Variants in HIRA observed in about 807,000 individuals in gnomAD.
The protein encoded by HIRA is protein HIRA.
HIRA carries 13 observed loss-of-function variants against 126.6 expected under a neutral mutation model. The observed-to-expected ratio is 0.10, with a 90% confidence interval of 0.07 to 0.16. The LOEUF is 0.16. Among genes scored for constraint, HIRA ranks in the 10% least tolerant of loss-of-function variants. The pLI, the probability that HIRA is intolerant of heterozygous loss-of-function variation, is 1.00. For synonymous variants in HIRA, 511 were observed against 520.0 expected (o/e 0.98, Z 0.24); for missense variants, 834 against 1,314.4 (o/e 0.63, Z 5.65).
At chr22:19,334,146 T>TA (rs2088531385) in intron 24 of HIRA, among the ~76,000 whole-genome samples, 1 of 151,680 alleles carries the variant, frequency 6.6e-6, no homozygotes. Flanking sequence ...GGCTAATTTT[T>TA]TTGTATTTTT....
At chr22:19,401,753 G>A (rs2089270144) in intron 5 of HIRA, among the ~76,000 whole-genome samples, 1 of 152,118 alleles carries the variant, frequency 6.6e-6, no homozygotes, top group African/African-American at 2.4e-5. Flanking sequence ...CACCACTTCT[G>A]TGTTATGACT....
intron 24 of HIRA, among the ~76,000 whole-genome samples, chr22:19,338,486 G>T (rs1464837876): frequency 6.6e-6 from 1 of 151,122 alleles, no homozygotes; most frequent in East Asian, 1.9e-4. Context: ...CTCACATCTC[G>T]ATACTAACAT....
intron 15 of HIRA, among the ~76,000 whole-genome samples, chr22:19,363,459 A>G (rs1168063706): frequency 6.6e-6 from 1 of 151,988 alleles, no homozygotes; most frequent in Admixed American, 6.6e-5. Context: ...AAAAATAAGT[A>G]AATAAATAAA....
In HIRA at chr22:19,351,948, C is replaced by A. The variant is rs2088762867; in HGVS notation, c.2849-502G>T. 6.6e-6 allele frequency among the ~76,000 whole-genome samples: 1 copy of A among 151,990 alleles called. No individual in the cohort carries two copies. On this transcript the variant is annotated intron_variant, in intron 23 of 24. Transcript: ENST00000263208. This position sits in a 1 kb window ranked among gnomAD's most constrained non-coding sequence, Gnocchi z 4.8. ...TAACTCAAGGGTTATGGGCACCACC[C>A]AGTAGGGCTGCTAGAAAGGCTGGAG... is the stretch of plus-strand genomic sequence containing the variant.
In HIRA at chr22:19,330,796, T is replaced by TA. The variant is rs2088475687; in HGVS notation, c.*643dup. 1 of 157,268 alleles carries TA rather than the reference T, an allele frequency of 6.4e-6. No homozygotes were observed. The highest frequency in any genetic ancestry group is 1.4e-5 in the Non-Finnish European group (1 of 70,802). 9.7% of individuals were successfully genotyped at this position (157,268 alleles called of 1,614,324 possible). On this transcript the variant is annotated 3_prime_UTR_variant, in exon 25 of 25. Transcript: ENST00000263208. ...AAAACAGTCTCTTTTTACAAACATT[T>TA]AAAAATTAAAACCAAATGAAGATAG...
intron 2 of HIRA, 35 bp from the exon 3 acceptor site, chr22:19,408,628 A>G (rs1410220643): frequency 8.3e-7 from 1 of 1,206,586 alleles, no homozygotes; most frequent in Admixed American, 1.7e-5. Flanking sequence ...TGAATGTGCA[A>G]GGAGTAGAAA....
intron 1 of HIRA, among the ~76,000 whole-genome samples, chr22:19,418,671 T>G (rs563098933): frequency 6.6e-6 from 1 of 152,186 alleles, no homozygotes; most frequent in South Asian, 2.1e-4. Context: ...TTGGAACTGT[T>G]CAGCATCTCG....
intron 13 of HIRA, among the ~76,000 whole-genome samples, chr22:19,379,806 A>G (rs1261493068): frequency 1.3e-5 from 2 of 151,896 alleles, no homozygotes; most frequent in African/African-American, 4.8e-5. Flanking sequence ...TTGTGTTTCA[A>G]CTATTTATGG....
intron 2 of HIRA, among the ~76,000 whole-genome samples, 193 bp from the exon 3 acceptor site, chr22:19,408,786 G>A (rs897984029): frequency 2.0e-5 from 3 of 152,226 alleles, no homozygotes; most frequent in Admixed American, 6.5e-5. Context: ...GGGACGAAAC[G>A]GAGCGGACTT....
intron 15 of HIRA, chr22:19,365,912 G>T (rs1039127169): frequency 6.6e-6 from 1 of 152,266 alleles, no homozygotes; most frequent in Non-Finnish European, 1.5e-5. Flanking sequence ...ACCACACCAG[G>T]TTGCCTAAGG....
intron 24 of HIRA, among the ~76,000 whole-genome samples, chr22:19,341,528 C>T (rs2088629403): frequency 6.7e-6 from 1 of 149,940 alleles, no homozygotes; most frequent in Non-Finnish European, 1.5e-5. Flanking sequence ...GGAGGCATCA[C>T]ATTACCCGAC....
At position 19,353,518 on chromosome 22, in the gene HIRA, A is replaced by G. The variant is rs373482041; in HGVS notation, c.2686T>C (p.Ser896Pro). The G allele has an allele frequency of 3.7e-6, 6 of 1,604,174 alleles. No individual in the cohort carries two copies. The African/African-American group carries it at 4.0e-5, about 11-fold the overall frequency. The part of the protein sequence containing the change: ...LAIIQGRTSN[S>P]GRQAARLFSV... The stretch of plus-strand genomic sequence containing the variant: ...AAGAGCCGGGCAGCCTGCCTTCCCG[A>G]GCTGCAGAGACCAGGAGAGTTTCCA... The change falls in exon 23 of 25, where the codon TCG becomes CCG. Residue 896 changes from serine to proline, a missense_variant and splice_region_variant. This residue lies in a region of HIRA where 468 missense variants were observed against 574.2 expected (regional missense o/e 0.82). Transcript: ENST00000263208.
At chr22:19,357,096 G>A (rs2088820086) in intron 18 of HIRA, 45 bp from the exon 19 acceptor site, 3 of 1,603,360 alleles carry the variant, frequency 1.9e-6, no homozygotes, top group Non-Finnish European at 2.6e-6. Flanking sequence ...GCTGAGTGCT[G>A]CAGCCAAGAC....
intron 9 of HIRA, among the ~76,000 whole-genome samples, chr22:19,390,601 CAAAAAAAAAAAAAAA>C (rs575050947): frequency 2.6e-5 from 1 of 38,342 alleles, no homozygotes; most frequent in Non-Finnish European, 4.8e-5. Flanking sequence ...GACTCTGTCT[CAAAAAAAAAAAAAAA>C]AAAAAAAAAA....
chr22:19,416,368 G>C (rs2089398500), intron 1 of HIRA, among the ~76,000 whole-genome samples: 1 of 151,736 alleles, frequency 6.6e-6, no homozygotes, highest in South Asian at 2.1e-4. Context: ...CTGTCGCCCA[G>C]GCTGGAGTGC....
At chr22:19,355,256 C>T (rs1247150337) in intron 21 of HIRA, among the ~76,000 whole-genome samples, 1 of 152,102 alleles carries the variant, frequency 6.6e-6, no homozygotes, top group African/African-American at 2.4e-5. Context: ...GGGTTAAGAG[C>T]TCTGATGTAT....
At chr22:19,357,443 A>T (rs2088823432) in intron 18 of HIRA, among the ~76,000 whole-genome samples, 1 of 152,224 alleles carries the variant, frequency 6.6e-6, no homozygotes, top group South Asian at 2.1e-4. Flanking sequence ...AGTCCTGAGA[A>T]GGTCTCTAAC....
At chr22:19,372,538 T>A (rs1351430061) in intron 15 of HIRA, among the ~76,000 whole-genome samples, 2 of 152,134 alleles carry the variant, frequency 1.3e-5, no homozygotes, top group Admixed American at 6.6e-5. Context: ...GTCTTTCAAT[T>A]CTGATAGTGC....
chr22:19,342,974 T>C (rs1023495501), intron 24 of HIRA, among the ~76,000 whole-genome samples: 3 of 152,206 alleles, frequency 2.0e-5, no homozygotes, highest in Admixed American at 1.3e-4. Flanking sequence ...GAGACCATTA[T>C]TCTAAGTGAA....
Sources: allele counts gnomAD v4.1 joint callset (sites outside exome capture counted in the v4.1 genomes callset), GRCh38; gene constraint gnomAD v4.1.1; regional missense constraint gnomAD v4.1.1; non-coding constraint Gnocchi (gnomAD v3.1); transcripts MANE v1.5; gene names NCBI Gene and HGNC (gene_info 2026-07-23, HGNC 2026-07-21).